Variants in RABGAP1L observed in about 807,000 individuals in gnomAD.
RABGAP1L encodes RAB GTPase activating protein 1 like.
In RABGAP1L, 63 loss-of-function variants were observed where a neutral mutation model predicts 137.7. The ratio of observed to expected loss-of-function variants is 0.46; its 90% CI spans 0.37 to 0.56. The LOEUF (loss-of-function observed/expected upper bound fraction) is 0.56, where lower values mean the gene tolerates loss of function less well. Among genes scored for constraint, RABGAP1L ranks in the 20% least tolerant of loss-of-function variants. The pLI is 0.00. For missense variants in RABGAP1L, 1,095 were observed against 1,244.0 expected (o/e 0.88, Z 1.80); for synonymous variants, 431 against 433.7 (o/e 0.99, Z 0.08).
At chr1:174,311,764 G>C (rs920697533) in intron 11 of RABGAP1L, among the ~76,000 whole-genome samples, 1 of 152,116 alleles carries the variant, frequency 6.6e-6, no homozygotes, top group Non-Finnish European at 1.5e-5. Context: ...CCAGCACCAT[G>C]CCTGGCTAAT....
At chr1:174,604,610 T>G (rs772701586) in intron 13 of RABGAP1L, among the ~76,000 whole-genome samples, 1 of 152,192 alleles carries the variant, frequency 6.6e-6, no homozygotes, top group Non-Finnish European at 1.5e-5. Flanking sequence ...GAGGATTCTA[T>G]TCAGCCATCT....
chr1:174,188,473 A>G (rs1005030162), intron 1 of RABGAP1L, among the ~76,000 whole-genome samples: 8 of 152,246 alleles, frequency 5.3e-5, no homozygotes, highest in Admixed American at 1.3e-4. Context: ...AAATAATGTG[A>G]TACGATAAAT....
intron 20 of RABGAP1L, among the ~76,000 whole-genome samples, chr1:174,967,330 A>ATTT (rs35787924): frequency 2.2e-4 from 26 of 115,840 alleles, no homozygotes; most frequent in East Asian, 5.1e-4. Flanking sequence ...CACCCAGCTA[A>ATTT]TTTTTTTTTT....
chr1:174,932,496 C>T (rs562474615), intron 19 of RABGAP1L, among the ~76,000 whole-genome samples: 57 of 152,104 alleles, frequency 3.7e-4, no homozygotes, highest in Admixed American at 1.2e-3. Flanking sequence ...TTTTTCTCAT[C>T]CCATTCATTC....
intron 1 of RABGAP1L, among the ~76,000 whole-genome samples, chr1:174,171,465 CCTT>C (rs1211752749): frequency 2.0e-5 from 3 of 152,032 alleles, no homozygotes; most frequent in Non-Finnish European, 4.4e-5. Flanking sequence ...CTATCCATCT[CCTT>C]CTATAATTTT....
intron 18 of RABGAP1L, among the ~76,000 whole-genome samples, chr1:174,763,837 CAAAAAA>C (rs570110788): frequency 8.6e-5 from 7 of 81,172 alleles, no homozygotes; most frequent in Non-Finnish European, 1.4e-4. Flanking sequence ...GACTCCGTCT[CAAAAAA>C]AAAAAAAAAA....
At chr1:174,542,579 G>A (rs534243384) in intron 13 of RABGAP1L, among the ~76,000 whole-genome samples, 16 of 152,020 alleles carry the variant, frequency 1.1e-4, no homozygotes, top group Non-Finnish European at 1.5e-4. Context: ...AGGGTTTTTT[G>A]TGTCTCTATC....
chr1:174,920,004 C>T (rs929262687), intron 19 of RABGAP1L, among the ~76,000 whole-genome samples: 2 of 152,214 alleles, frequency 1.3e-5, no homozygotes, highest in Admixed American at 6.5e-5. Flanking sequence ...GGACCATAAG[C>T]ACTTTTGTGG....
At chr1:174,882,504 A>G (rs1654399479) in intron 19 of RABGAP1L, among the ~76,000 whole-genome samples, 3 of 152,222 alleles carry the variant, frequency 2.0e-5, no homozygotes, top group African/African-American at 7.2e-5. Context: ...CATGTTATGT[A>G]TGAAGGGGAT....
At chr1:174,841,396 A>G (rs1292411342) in intron 19 of RABGAP1L, among the ~76,000 whole-genome samples, 1 of 152,140 alleles carries the variant, frequency 6.6e-6, no homozygotes, top group Non-Finnish European at 1.5e-5. Context: ...CAAGTTATAG[A>G]AAATCTAAAA....
chr1:174,930,844 A>T (rs1042100721), intron 19 of RABGAP1L, among the ~76,000 whole-genome samples: 3 of 152,008 alleles, frequency 2.0e-5, no homozygotes, highest in African/African-American at 7.2e-5. Flanking sequence ...TTAAAATCAT[A>T]ACCATAATAT....
At chr1:174,618,242 C>A (rs1291713594) in intron 13 of RABGAP1L, among the ~76,000 whole-genome samples, 1 of 152,212 alleles carries the variant, frequency 6.6e-6, no homozygotes, top group Admixed American at 6.5e-5. Flanking sequence ...CAAAAGGCAG[C>A]AGATTCCTCA....
intron 7 of RABGAP1L, among the ~76,000 whole-genome samples, chr1:174,259,395 A>G (rs1201909156): frequency 6.6e-6 from 1 of 152,218 alleles, no homozygotes; most frequent in African/African-American, 2.4e-5. Flanking sequence ...CAGTTGAGGA[A>G]ACTGAGGTAC....
intron 19 of RABGAP1L, among the ~76,000 whole-genome samples, chr1:174,908,823 C>T (rs1178619427): frequency 1.3e-5 from 2 of 149,944 alleles, no homozygotes; most frequent in Non-Finnish European, 3.0e-5. Context: ...GGATTACAGA[C>T]GTCAGCCACT....
At chr1:174,971,597 G>C (rs1430561658) in intron 21 of RABGAP1L, among the ~76,000 whole-genome samples, 1 of 152,168 alleles carries the variant, frequency 6.6e-6, no homozygotes, top group East Asian at 1.9e-4. Flanking sequence ...CTAGATGAAA[G>C]AATAAAAACT....
chr1:174,950,247 C>A (rs761032123), intron 19 of RABGAP1L, among the ~76,000 whole-genome samples: 3 of 152,100 alleles, frequency 2.0e-5, no homozygotes, highest in Non-Finnish European at 4.4e-5. Flanking sequence ...GTCCCCACCC[C>A]CTTAAACCAT....
intron 13 of RABGAP1L, among the ~76,000 whole-genome samples, chr1:174,611,193 A>T (rs1176831108): frequency 6.8e-6 from 1 of 146,520 alleles, no homozygotes; most frequent in Non-Finnish European, 1.5e-5. Flanking sequence ...TTTTAGGTCT[A>T]ACATTTAAGT....
rs1320334564 is a variant in RABGAP1L, at chr1:174,780,116, A to AAATTAATT, written c.2211+27768_2211+27769insTTAATTAA. On this transcript the variant is annotated intron_variant, in intron 18 of 25. Transcript: ENST00000681986. ...TAAATAAATAAATAAATAAATAAATAAATTAAATAAGCCCTAATTAAAATT... is the reference window on the plus strand; with the variant it reads ...TAAATAAATAAATAAATAAATAAATAAATTAATTAATTAAATAAGCCCTAATTAAAATT... Among the ~76,000 whole-genome samples, 288 of 145,932 alleles carry AAATTAATT rather than the reference A, an allele frequency of 2.0e-3. 3 individuals carry two copies. The highest frequency in any genetic ancestry group is 6.7e-3 in the African/African-American group (260 of 38,880).
At chr1:174,764,598 C>T (rs979598480) in intron 18 of RABGAP1L, among the ~76,000 whole-genome samples, 7 of 152,100 alleles carry the variant, frequency 4.6e-5, no homozygotes, top group Non-Finnish European at 7.4e-5. Context: ...AAGGGTGAGG[C>T]GCTGTTCTTT....
Sources: gnomAD v4.1 joint callset for allele counts (sites outside exome capture counted in the v4.1 genomes callset) on GRCh38, gnomAD v4.1.1 for gene constraint, MANE v1.5 for transcripts, NCBI Gene and HGNC (gene_info 2026-07-23, HGNC 2026-07-21) for gene names.